CNST: variants seen among roughly 807,000 people sequenced by gnomAD.
The protein encoded by CNST is consortin, connexin sorting protein.
CNST carries 39 observed loss-of-function variants against 72.4 expected under a neutral mutation model. That is an observed-to-expected ratio of 0.54 (90% CI 0.42 to 0.70). CNST has a LOEUF of 0.70. CNST is among the 30% of genes least tolerant of loss of function. The pLI is 0.00. For missense variants in CNST, 871 were observed against 868.5 expected (o/e 1.00, Z -0.04); for synonymous variants, 332 against 320.1 (o/e 1.04, Z -0.40).
chr1:246,645,577 G>A (rs1187570133), intron 8 of CNST, among the ~76,000 whole-genome samples: 3 of 151,704 alleles, frequency 2.0e-5, no homozygotes, highest in Non-Finnish European at 2.9e-5. Context: ...ACAGGCGCCC[G>A]CCACCGCGCC....
chr1:246,593,387 A>G (rs1661675292), intron 2 of CNST, among the ~76,000 whole-genome samples: 2 of 151,386 alleles, frequency 1.3e-5, no homozygotes, highest in Admixed American at 6.6e-5. Context: ...CAGTGGTGCA[A>G]TCTCAGCTCA....
chr1:246,621,728 C>A, intron 3 of CNST, 94 bp downstream of exon 3: 1 of 1,078,766 alleles, frequency 9.3e-7, no homozygotes, highest in Non-Finnish European at 1.4e-6. Flanking sequence ...GGCGCAGTGG[C>A]TCATGCCTGT....
intron 3 of CNST, among the ~76,000 whole-genome samples, chr1:246,630,514 A>T (rs1488125147): frequency 6.6e-6 from 1 of 152,220 alleles, no homozygotes; most frequent in East Asian, 1.9e-4. Flanking sequence ...CATGGAAAAA[A>T]TGTCACATTT....
At chr1:246,660,103 A>G in intron 9 of CNST, 96 bp from the exon 10 acceptor site, 1 of 1,056,872 alleles carries the variant, frequency 9.5e-7, no homozygotes, top group African/African-American at 1.6e-5. Context: ...CCCTGTAATA[A>G]AAATTCAAAT....
chr1:246,609,224 A>G (rs1044835987), intron 2 of CNST, among the ~76,000 whole-genome samples: 1 of 152,226 alleles, frequency 6.6e-6, no homozygotes, highest in Non-Finnish European at 1.5e-5. Flanking sequence ...GAGGAAAAGG[A>G]AGGGATGTTT....
At chr1:246,613,404 A>G (rs1012290644) in intron 2 of CNST, among the ~76,000 whole-genome samples, 3 of 151,924 alleles carry the variant, frequency 2.0e-5, no homozygotes, top group African/African-American at 7.3e-5. Flanking sequence ...TGGATGGTTC[A>G]CTCTTAAGGG....
chr1:246,615,827 G>A (rs1321868766), intron 2 of CNST, among the ~76,000 whole-genome samples: 1 of 151,758 alleles, frequency 6.6e-6, no homozygotes, highest in African/African-American at 2.4e-5. Flanking sequence ...GCGGTGAGCC[G>A]AGATTGTGCA....
chr1:246,583,010 G>A (rs1232641897), intron 1 of CNST, among the ~76,000 whole-genome samples: 2 of 152,206 alleles, frequency 1.3e-5, no homozygotes, highest in Admixed American at 6.5e-5. Flanking sequence ...TTAGCGTGAT[G>A]AGCAGCTGTG....
At chr1:246,583,268 C>CT (rs1177363487) in intron 1 of CNST, among the ~76,000 whole-genome samples, 6 of 152,170 alleles carry the variant, frequency 3.9e-5, no homozygotes, top group African/African-American at 1.2e-4. Context: ...ATTTTCATCT[C>CT]TTTTATTTGT....
chr1:246,641,997 T>C lies in CNST; in HGVS notation c.897T>C (p.Ser299=), dbSNP rs535392402. The change falls in exon 8 of 11, where the codon TCT becomes TCC. Residue 299 remains serine, a synonymous_variant. Transcript: ENST00000366513. ...AATGCTCCACGCAGTTACTAGTGTC[T>C]GAAGATCCAAAGGAAGGAGGAGCTA... ...ERKCSTQLLV[S]EDPKEGGATT... 4.7e-5 allele frequency: 76 copies of C among 1,612,506 alleles called. No homozygotes were observed. Among genetic ancestry groups the C allele is most frequent in the Non-Finnish European group, 6.1e-5 (72 of 1,179,158 alleles).
intron 1 of CNST, among the ~76,000 whole-genome samples, chr1:246,587,360 A>G (rs1330725666): frequency 6.6e-6 from 1 of 152,218 alleles, no homozygotes; most frequent in Non-Finnish European, 1.5e-5. Context: ...TATTTTCAAG[A>G]ATTGACATTT....
At position 246,591,592 on chromosome 1, in the gene CNST, T is replaced by C. The variant is rs777103443; in HGVS notation, c.30T>C (p.Tyr10=). The C allele has an allele frequency of 2.5e-6, 4 of 1,613,958 alleles. No homozygotes were observed. The Admixed American group carries it at 5.0e-5, about 20-fold the overall frequency. Residue 10 remains tyrosine (Y), a synonymous_variant, in exon 2 of 11, where the codon TAT becomes TAC. Transcript: ENST00000366513. MDDSDTPTY[Y]LQIEPQDGCH... is the part of the protein sequence containing the mutation. ...ATGACAGCGATACTCCTACATATTA[T>C]CTGCAAATAGAACCACAAGATGGAT... is the stretch of plus-strand genomic sequence containing the variant.
At chr1:246,574,288 G>A (rs951073018) in intron 1 of CNST, among the ~76,000 whole-genome samples, 9 of 152,182 alleles carry the variant, frequency 5.9e-5, no homozygotes, top group Admixed American at 1.3e-4. Context: ...TGATCCGCCC[G>A]CCTCGGCCTC....
intron 1 of CNST, among the ~76,000 whole-genome samples, chr1:246,587,002 A>G (rs1237512598): frequency 6.6e-6 from 1 of 152,218 alleles, no homozygotes; most frequent in Non-Finnish European, 1.5e-5. Flanking sequence ...ACTGAGGCCT[A>G]TGCGTTTAAT....
intron 10 of CNST, among the ~76,000 whole-genome samples, chr1:246,660,571 GA>G (rs1177972888): frequency 6.6e-6 from 1 of 151,986 alleles, no homozygotes; most frequent in East Asian, 1.9e-4. Context: ...ACTAAAATTA[GA>G]AAAATTAGCG....
At chr1:246,606,099 A>T (rs1179341546) in intron 2 of CNST, 1 of 152,222 alleles carries the variant, frequency 6.6e-6, no homozygotes, top group African/African-American at 2.4e-5. Flanking sequence ...AAAAAGAAAA[A>T]ATTTTGGCGT....
At chr1:246,584,685 C>T (rs1433647120) in intron 1 of CNST, among the ~76,000 whole-genome samples, 1 of 152,066 alleles carries the variant, frequency 6.6e-6, no homozygotes, top group East Asian at 1.9e-4. Flanking sequence ...GTAGACCGTC[C>T]CGGCAGCCCT....
At chr1:246,640,302 T>C (rs968855600) in intron 6 of CNST, among the ~76,000 whole-genome samples, 14 of 152,208 alleles carry the variant, frequency 9.2e-5, no homozygotes, top group African/African-American at 3.4e-4. Flanking sequence ...TGCTAATGTT[T>C]ATGTGTTGTA....
At chr1:246,585,660 A>ATAT (rs1303783115) in intron 1 of CNST, among the ~76,000 whole-genome samples, 1 of 74,732 alleles carries the variant, frequency 1.3e-5, no homozygotes, top group African/African-American at 5.2e-5. Context: ...AAAAAAAAAA[A>ATAT]AAATATACAC....
Sources: gnomAD v4.1 joint callset for allele counts (sites outside exome capture counted in the v4.1 genomes callset) on GRCh38, gnomAD v4.1.1 for gene constraint, MANE v1.5 for transcripts, NCBI Gene and HGNC (gene_info 2026-07-23, HGNC 2026-07-21) for gene names.